CDK8: variants seen among roughly 807,000 people sequenced by gnomAD.
The protein encoded by CDK8 is cyclin-dependent kinase 8.
CDK8 carries 29 observed loss-of-function variants against 71.5 expected under a neutral mutation model. The ratio of observed to expected loss-of-function variants is 0.41; its 90% CI spans 0.30 to 0.55. The LOEUF (loss-of-function observed/expected upper bound fraction) is 0.55. CDK8 is among the 20% of genes least tolerant of loss of function. The pLI, the probability that CDK8 is intolerant of heterozygous loss-of-function variation, is 0.37. For missense variants in CDK8, 288 were observed against 572.6 expected (o/e 0.50, Z 5.07); for synonymous variants, 161 against 192.1 (o/e 0.84, Z 1.34).
At chr13:26,256,673 A>G (rs1311065650) in intron 1 of CDK8, among the ~76,000 whole-genome samples, 1 of 152,208 alleles carries the variant, frequency 6.6e-6, no homozygotes, top group Non-Finnish European at 1.5e-5. Context: ...AATTTGAAAG[A>G]ATAATTTCAA....
At position 26,353,737 on chromosome 13, in the gene CDK8, C is replaced by T. The variant is rs2137999212; in HGVS notation, c.316-3C>T. The T allele has an allele frequency of 1.3e-6, 2 of 1,596,760 alleles. No individual in the cohort carries two copies. The highest frequency in any genetic ancestry group is 2.2e-5 in the East Asian group (1 of 44,580). On this transcript the variant is annotated splice_polypyrimidine_tract_variant and splice_region_variant and intron_variant, in intron 3 of 12. Coordinates refer to ENST00000381527, the MANE Select transcript of CDK8 (RefSeq NM_001260.3). ...TCTGTTGATATTTTTTTCTTTCTTT[C>T]AGCATATAATCAAGTTTCACAGAGC...
At chr13:26,396,259 TA>T in intron 7 of CDK8, 25 bp from the exon 8 acceptor site, 2 of 1,034,126 alleles carry the variant, frequency 1.9e-6, no homozygotes, top group South Asian at 1.8e-5. Flanking sequence ...TTAGGCAACA[TA>T]AAAATTTATC....
chr13:26,316,673 A>G (rs768491904), intron 1 of CDK8, among the ~76,000 whole-genome samples: 1 of 152,196 alleles, frequency 6.6e-6, no homozygotes, highest in Non-Finnish European at 1.5e-5. Flanking sequence ...GCAAAAACCT[A>G]CACACAGACA....
intron 1 of CDK8, among the ~76,000 whole-genome samples, chr13:26,258,310 T>C (rs574689937): frequency 3.0e-4 from 45 of 152,292 alleles, no homozygotes; most frequent in African/African-American, 1.0e-3. Flanking sequence ...GAGTTTGATT[T>C]CTAGTGGGTT....
intron 1 of CDK8, among the ~76,000 whole-genome samples, chr13:26,283,459 T>G (rs1397194842): frequency 6.6e-6 from 1 of 151,236 alleles, no homozygotes; most frequent in African/African-American, 2.4e-5. Flanking sequence ...AATAAAAAAA[T>G]TAGCTGGGCG....
intron 6 of CDK8, among the ~76,000 whole-genome samples, chr13:26,392,456 T>A (rs1193539117): frequency 6.6e-6 from 1 of 151,124 alleles, no homozygotes; most frequent in Admixed American, 6.6e-5. Flanking sequence ...GCCTCCTGAG[T>A]AGCTGGGACT....
intron 1 of CDK8, among the ~76,000 whole-genome samples, chr13:26,292,502 T>G (rs760455585): frequency 1.3e-5 from 2 of 152,204 alleles, no homozygotes; most frequent in Non-Finnish European, 2.9e-5. Flanking sequence ...GTCTGCAGAT[T>G]TGTTTTAAGG....
chr13:26,395,492 A>T (rs534698750), intron 7 of CDK8, among the ~76,000 whole-genome samples: 1 of 152,056 alleles, frequency 6.6e-6, no homozygotes, highest in South Asian at 2.1e-4. Flanking sequence ...CGTCTCAAAA[A>T]AAAAAAAAAA....
chr13:26,373,055 A>C (rs1296800790), intron 4 of CDK8, among the ~76,000 whole-genome samples: 1 of 152,112 alleles, frequency 6.6e-6, no homozygotes, highest in Non-Finnish European at 1.5e-5. Context: ...TTCTGTTTGA[A>C]AAGTTCTTCT....
intron 4 of CDK8, among the ~76,000 whole-genome samples, chr13:26,358,090 T>C (rs1227707601): frequency 2.6e-5 from 4 of 151,766 alleles, no homozygotes; most frequent in African/African-American, 9.7e-5. Context: ...GGTCAGGAGA[T>C]TGAGACCATC....
At chr13:26,374,318 C>T (rs1874844414) in intron 4 of CDK8, among the ~76,000 whole-genome samples, 1 of 152,056 alleles carries the variant, frequency 6.6e-6, no homozygotes, top group African/African-American at 2.4e-5. Context: ...GAAGAATTTT[C>T]TTGCTTTAAT....
At chr13:26,380,893 A>G (rs1006787857) in intron 4 of CDK8, among the ~76,000 whole-genome samples, 1 of 152,202 alleles carries the variant, frequency 6.6e-6, no homozygotes, top group African/African-American at 2.4e-5. Flanking sequence ...CCTTATTCAC[A>G]GGAACTTTTT....
intron 1 of CDK8, among the ~76,000 whole-genome samples, chr13:26,288,304 G>A (rs1873121963): frequency 6.6e-6 from 1 of 152,008 alleles, no homozygotes; most frequent in Non-Finnish European, 1.5e-5. Flanking sequence ...TGAGCTTTTT[G>A]TACTATTTAG....
At chr13:26,366,765 T>C (rs943403398) in intron 4 of CDK8, among the ~76,000 whole-genome samples, 13 of 152,216 alleles carry the variant, frequency 8.5e-5, no homozygotes, top group African/African-American at 3.1e-4. Flanking sequence ...TTAAGATGCC[T>C]ATTTAATAAA....
At chr13:26,366,303 T>C (rs1483170177) in intron 4 of CDK8, among the ~76,000 whole-genome samples, 1 of 152,154 alleles carries the variant, frequency 6.6e-6, no homozygotes, top group Non-Finnish European at 1.5e-5. Flanking sequence ...GAGAGCCATA[T>C]TTCAAAATCA....
In CDK8 at chr13:26,254,807, G is replaced by T; in HGVS notation, c.128+38G>T. ...GTCTGGGCCGGTGTCCGCGCTGGGC[G>T]GCGCTCCCGCAGGCCGAGGCAGGTA... On this transcript the variant is annotated intron_variant, in intron 1 of 12. Coordinates refer to ENST00000381527, the MANE Select transcript of CDK8 (RefSeq NM_001260.3). This position sits in a 1 kb window ranked among gnomAD's most constrained non-coding sequence, Gnocchi z 6.7. 1 of 1,602,514 alleles carries T rather than the reference G, an allele frequency of 6.2e-7. No homozygotes were observed. Among genetic ancestry groups the T allele is most frequent in the African/African-American group, 1.3e-5 (1 of 74,526 alleles).
intron 1 of CDK8, among the ~76,000 whole-genome samples, chr13:26,304,625 A>ATGTTT (rs1387394910): frequency 6.6e-6 from 1 of 151,668 alleles, no homozygotes; most frequent in African/African-American, 2.4e-5. Flanking sequence ...TATGACAATT[A>ATGTTT]TGTTTTATTT....
chr13:26,296,723 C>G (rs1441805248), intron 1 of CDK8, among the ~76,000 whole-genome samples: 1 of 152,134 alleles, frequency 6.6e-6, no homozygotes, highest in African/African-American at 2.4e-5. Context: ...AAGGATGATC[C>G]AGTGCCAGGT....
chr13:26,277,580 A>G (rs1872602203), intron 1 of CDK8, among the ~76,000 whole-genome samples: 1 of 152,204 alleles, frequency 6.6e-6, no homozygotes, highest in African/African-American at 2.4e-5. Flanking sequence ...TAGTATATAA[A>G]CTAAAAGGGT....
Sources: gnomAD v4.1 joint callset for allele counts (sites outside exome capture counted in the v4.1 genomes callset) on GRCh38, gnomAD v4.1.1 for gene constraint, Gnocchi (gnomAD v3.1) non-coding constraint, MANE v1.5 for transcripts, NCBI Gene and HGNC (gene_info 2026-07-23, HGNC 2026-07-21) for gene names.